Variants in YES1 observed in about 807,000 individuals in gnomAD.
YES1 encodes the protein YES proto-oncogene 1, Src family tyrosine kinase.
YES1 carries 39 observed loss-of-function variants against 70.4 expected under a neutral mutation model. That is an observed-to-expected ratio of 0.55 (90% CI 0.43 to 0.72). The LOEUF is 0.72. YES1 is among the 30% of genes least tolerant of loss of function. The pLI is 0.00. For synonymous variants in YES1, 198 were observed against 218.6 expected (o/e 0.91, Z 0.83); for missense variants, 495 against 644.8 (o/e 0.77, Z 2.52).
intron 1 of YES1, among the ~76,000 whole-genome samples, chr18:789,940 T>A (rs1211402932): frequency 6.6e-6 from 1 of 152,016 alleles, no homozygotes; most frequent in Non-Finnish European, 1.5e-5. Flanking sequence ...ATGACTGTAA[T>A]CCCAGCTACT....
At chr18:740,367 C>A (rs1485468790) in intron 8 of YES1, among the ~76,000 whole-genome samples, 5 of 152,156 alleles carry the variant, frequency 3.3e-5, no homozygotes, top group African/African-American at 4.8e-5. Context: ...AATTAAGGCA[C>A]ATTTAAAACA....
chr18:750,555 C>A (rs1424350670), intron 3 of YES1, among the ~76,000 whole-genome samples: 1 of 152,200 alleles, frequency 6.6e-6, no homozygotes, highest in African/African-American at 2.4e-5. Flanking sequence ...TGCCAAATAT[C>A]CCCTGGGTGA....
At chr18:793,985 A>G (rs1175324918) in intron 1 of YES1, among the ~76,000 whole-genome samples, 2 of 152,224 alleles carry the variant, frequency 1.3e-5, no homozygotes, top group Non-Finnish European at 2.9e-5. Context: ...AACTTGGAGT[A>G]AGAGAGCTAC....
At chr18:728,997 A>G (rs1466089679) in intron 11 of YES1, among the ~76,000 whole-genome samples, 1 of 152,174 alleles carries the variant, frequency 6.6e-6, no homozygotes, top group African/African-American at 2.4e-5. Context: ...TCATATTTAG[A>G]AGATTTTTAG....
chr18:789,994 G>A (rs191021390), intron 1 of YES1, among the ~76,000 whole-genome samples: 127 of 152,214 alleles, frequency 8.3e-4, no homozygotes, highest in African/African-American at 2.8e-3. Context: ...GGAGGTTGAG[G>A]ATGCAGTGAG....
In YES1 at chr18:726,276, T is replaced by G. The variant is rs769158900; in HGVS notation, c.1424-1644A>C. 5.9e-5 allele frequency among the ~76,000 whole-genome samples: 9 copies of G among 151,600 alleles called. 1 individual carries two copies. The highest frequency in any genetic ancestry group is 1.0e-4 in the Non-Finnish European group (7 of 67,942). On this transcript the variant is annotated intron_variant, in intron 11 of 11. Coordinates refer to ENST00000314574, the MANE Select transcript of YES1 (RefSeq NM_005433.4). ...CCGTCTCTACTAAAAATACAAAAAA[T>G]TAGCTGGGCGTGGTGGTGGGCATCT...
At chr18:733,625 T>A (rs770207867) in intron 10 of YES1, among the ~76,000 whole-genome samples, 3 of 151,394 alleles carry the variant, frequency 2.0e-5, no homozygotes, top group Admixed American at 1.3e-4. Flanking sequence ...CTACCAAAAA[T>A]ACAAAAAATT....
At position 739,937 on chromosome 18, in the gene YES1, C is replaced by A; in HGVS notation, c.1061-126G>T. ...CTTTTCATTTTTTTTAAATTTTGTGCAGTTTTGCAGTTTCCAAATAATTAT... is the reference window on the plus strand; with the variant it reads ...CTTTTCATTTTTTTTAAATTTTGTGAAGTTTTGCAGTTTCCAAATAATTAT... On this transcript the variant is annotated intron_variant, in intron 8 of 11. Coordinates refer to ENST00000314574, the MANE Select transcript of YES1 (RefSeq NM_005433.4). 4.3e-6 allele frequency: 3 copies of A among 703,804 alleles called. No individual in the cohort carries two copies. In the South Asian group the frequency reaches 8.6e-5, roughly 20 times the overall value. The allele number at this position is 703,804 out of a possible 1,614,324, so 43.6% of individuals were successfully genotyped here.
At chr18:751,607 A>C in intron 3 of YES1, 98 bp downstream of exon 3, 2 of 796,308 alleles carry the variant, frequency 2.5e-6, no homozygotes, top group Non-Finnish European at 4.2e-6. Flanking sequence ...CCCATGCCCT[A>C]CCTCTCTCAT....
intron 2 of YES1, among the ~76,000 whole-genome samples, chr18:756,209 C>T (rs1451628319): frequency 6.6e-6 from 1 of 151,706 alleles, no homozygotes; most frequent in Non-Finnish European, 1.5e-5. Context: ...AAGTACTTTA[C>T]AATCCTGAGA....
intron 1 of YES1, among the ~76,000 whole-genome samples, chr18:767,626 T>C (rs114869791): frequency 1.3e-5 from 2 of 152,236 alleles, no homozygotes; most frequent in Admixed American, 6.5e-5. Flanking sequence ...TCTATTCTCA[T>C]GTCAATGACG....
intron 1 of YES1, among the ~76,000 whole-genome samples, chr18:761,030 C>T (rs1904566002): frequency 6.6e-6 from 1 of 152,120 alleles, no homozygotes; most frequent in Non-Finnish European, 1.5e-5. Context: ...GAAAATGCAT[C>T]CAACCTTCCC....
Position 722,180 on chromosome 18 carries a change from C to A in YES1, c.*2244G>T, listed in dbSNP as rs537789231. 6 of 152,614 alleles carry A rather than the reference C, an allele frequency of 3.9e-5. No homozygotes were observed. The East Asian group carries it at 1.2e-3, about 29-fold the overall frequency. 9.5% of individuals were successfully genotyped at this position (152,614 alleles called of 1,614,324 possible). On this transcript the variant is annotated 3_prime_UTR_variant, in exon 12 of 12. Coordinates refer to ENST00000314574, the MANE Select transcript of YES1 (RefSeq NM_005433.4). ...AATATGCTTAGAAAAATTACAATAT[C>A]ATAGTTCACATAAAGCCCTTAAAAA...
intron 1 of YES1, among the ~76,000 whole-genome samples, chr18:800,819 C>T (rs1348043245): frequency 6.6e-6 from 1 of 151,872 alleles, no homozygotes; most frequent in Non-Finnish European, 1.5e-5. Context: ...AGGCCAAGGT[C>T]GGGGAGGATC....
intron 1 of YES1, among the ~76,000 whole-genome samples, chr18:811,547 C>T (rs1907380156): frequency 6.6e-6 from 1 of 152,192 alleles, no homozygotes; most frequent in African/African-American, 2.4e-5. Flanking sequence ...AAAGTGGACG[C>T]TGAATGGTAA....
At chr18:802,732 G>A (rs2145836845) in intron 1 of YES1, among the ~76,000 whole-genome samples, 1 of 152,176 alleles carries the variant, frequency 6.6e-6, no homozygotes, top group Non-Finnish European at 1.5e-5. Flanking sequence ...CCGGTTGTGT[G>A]ACCTTAGCAA....
chr18:723,184 G>A lies in YES1; in HGVS notation c.*1240C>T, dbSNP rs1428737447. 6.6e-6 allele frequency: 1 copy of A among 152,218 alleles called. No homozygotes were observed. The highest frequency in any genetic ancestry group is 2.4e-5 in the African/African-American group (1 of 41,454). The allele number at this position is 152,218 out of a possible 1,614,324, so 9.4% of individuals were successfully genotyped here. ...TTTTACATAAAAACCATATCCCACT[G>A]CAATGAATGTGAAGCCATAACTTCA... On this transcript the variant is annotated 3_prime_UTR_variant, in exon 12 of 12. Coordinates refer to ENST00000314574, the MANE Select transcript of YES1 (RefSeq NM_005433.4).
intron 10 of YES1, among the ~76,000 whole-genome samples, chr18:734,800 T>C (rs192460521): frequency 3.4e-4 from 52 of 152,216 alleles, no homozygotes; most frequent in Admixed American, 8.5e-4. Flanking sequence ...TGGAAACTCC[T>C]TAAAGAACGA....
Position 724,459 on chromosome 18 carries a change from T to C in YES1, c.1597A>G (p.Thr533Ala), listed in dbSNP as rs1194868517. ...QSFLEDYFTATEPQYQPGENL is the reference protein window; with the variant it reads ...QSFLEDYFTAAEPQYQPGENL ...TCTCCTGGCTGGTACTGTGGCTCTG[T>C]AGCAGTGAAGTAGTCTTCCAAGAAG... Residue 533 changes from threonine to alanine, a missense_variant, in exon 12 of 12, where the codon ACA becomes GCA. By Grantham distance (58) the Thr-to-Ala change is moderately conservative (BLOSUM62 0). This residue lies in a region of YES1 where 385 missense variants were observed against 540.9 expected (regional missense o/e 0.71). Coordinates refer to ENST00000314574, the MANE Select transcript of YES1 (RefSeq NM_005433.4). The C allele has an allele frequency of 2.5e-6, 4 of 1,614,202 alleles. No individual in the cohort carries two copies. Among genetic ancestry groups the C allele is most frequent in the Non-Finnish European group, 2.5e-6 (3 of 1,180,032 alleles).
Sources: gnomAD v4.1 joint callset for allele counts (sites outside exome capture counted in the v4.1 genomes callset) on GRCh38, gnomAD v4.1.1 for gene constraint, gnomAD v4.1.1 regional missense constraint, MANE v1.5 for transcripts, NCBI Gene and HGNC (gene_info 2026-07-23, HGNC 2026-07-21) for gene names.